Variants in EXTL1 observed in about 807,000 individuals in gnomAD.
EXTL1 encodes exostosin like glycosyltransferase 1, also known as exostosin-like 1.
Under a neutral mutation model 64.6 loss-of-function variants are expected in EXTL1, and 43 were observed. The ratio of observed to expected loss-of-function variants is 0.67; its 90% CI spans 0.52 to 0.86. EXTL1 has a LOEUF of 0.86. EXTL1 is among the 40% of genes least tolerant of loss of function. The pLI, the probability that EXTL1 is intolerant of heterozygous loss-of-function variation, is 0.00. For synonymous variants in EXTL1, 352 were observed against 360.5 expected, an observed-to-expected ratio of 0.98 and a Z score of 0.27; for missense variants, 766 against 879.0, an observed-to-expected ratio of 0.87 and a Z score of 1.62.
Position 26,022,740 on chromosome 1 carries a change from C to T in EXTL1, c.94C>T (p.Leu32=). The T allele has an allele frequency of 1.9e-6, 3 of 1,614,092 alleles. No homozygotes were observed. The highest frequency in any genetic ancestry group is 2.5e-6 in the Non-Finnish European group (3 of 1,179,972). Residue 32 remains leucine, a synonymous_variant, in exon 1 of 11, where the codon CTG becomes TTG. Transcript: ENST00000374280. ...VLLGGFSLLR[L]ALPPRPRPGA... Reference sequence around the variant, plus strand: ...GCTGGGAGGCTTCTCCCTTCTCCGCCTGGCATTGCCTCCCAGACCTCGGCC... The same window carrying T: ...GCTGGGAGGCTTCTCCCTTCTCCGCTTGGCATTGCCTCCCAGACCTCGGCC...
intron 1 of EXTL1, among the ~76,000 whole-genome samples, chr1:26,027,694 A>AAAAAAAAAAAAAAAAAAAG (rs1557551579): frequency 2.8e-4 from 39 of 139,648 alleles, no homozygotes; most frequent in African/African-American, 1.0e-3. Context: ...ATCTCTAAAA[A>AAAAAAAAAAAAAAAAAAAG]AAAAAAAAAA....
chr1:26,033,903 A>C lies in EXTL1; in HGVS notation c.1679+47A>C. The C allele has an allele frequency of 6.4e-7, 1 of 1,554,098 alleles. No homozygotes were observed. Among genetic ancestry groups the C allele is most frequent in the Non-Finnish European group, 8.7e-7 (1 of 1,144,644 alleles). ...AGGGATCAGAGTATCAGAGGACCAGAGACCCCACCCCCACCCCGAACGGAG... is the reference window on the plus strand; with the variant it reads ...AGGGATCAGAGTATCAGAGGACCAGCGACCCCACCCCCACCCCGAACGGAG... On this transcript the variant is annotated intron_variant, in intron 9 of 10. Transcript: ENST00000374280. The surrounding 1 kb of genome is among the most constrained non-coding windows in gnomAD (Gnocchi z 5.1).
rs1176772384 is a variant in EXTL1 at position 26,033,589 on chromosome 1, T to C, written c.1519-107T>C. On this transcript the variant is annotated intron_variant, in intron 8 of 10. Transcript: ENST00000374280. This position sits in a 1 kb window ranked among gnomAD's most constrained non-coding sequence, Gnocchi z 5.1. ...GTCTTGGCTCCCGCGCCCTCTCCCC[T>C]GAGTCCTGCCCGGGCCCCTCAGCCA... 5.0e-6 allele frequency: 6 copies of C among 1,210,912 alleles called. No individual in the cohort carries two copies. The highest frequency in any genetic ancestry group is 7.1e-6 in the Non-Finnish European group (6 of 841,928). 75.0% of individuals were successfully genotyped at this position (1,210,912 alleles called of 1,614,324 possible). A position where few individuals can be genotyped will look rare whatever the true frequency, so the allele number is the denominator to read the frequency against.
chr1:26,023,312 CG>C lies in EXTL1; in HGVS notation c.670del (p.Val224Ter). ...GQLRQHSPQP[G>X]VALLALEEER... ...AGCTGCGGCAACACAGCCCCCAGCC[CG>C]GGGTAGCCCTGCTAGCCCTGGAAGA... On this transcript the variant is annotated frameshift_variant, in exon 1 of 11. Transcript: ENST00000374280. LOFTEE classifies it high-confidence loss of function. 1 of 1,551,662 alleles carries C rather than the reference CG, an allele frequency of 6.4e-7. No individual in the cohort carries two copies. The highest frequency in any genetic ancestry group is 8.7e-7 in the Non-Finnish European group (1 of 1,146,542).
intron 2 of EXTL1, 38 bp downstream of exon 2, chr1:26,029,324 C>A (rs1404224984): frequency 1.3e-6 from 2 of 1,534,948 alleles, no homozygotes; most frequent in African/African-American, 1.4e-5. Flanking sequence ...TCCTCTGTCC[C>A]CCAGCACTCA....
chr1:26,029,518 G>A (rs1245710909), intron 2 of EXTL1, 82 bp from the exon 3 acceptor site: 8 of 833,692 alleles, frequency 9.6e-6, no homozygotes, highest in Middle Eastern at 3.1e-4. Flanking sequence ...CCCAACAGCA[G>A]CAGCTACTGA....
In EXTL1 at chr1:26,033,755, G is replaced by A. The variant is rs375085844; in HGVS notation, c.1578G>A (p.Thr526=). ...CAGAGCGGATGGTGGGCTTCCTGACGTCGAGCCATTTCTGGGACGAGGCCC... is the reference window on the plus strand; with the variant it reads ...CAGAGCGGATGGTGGGCTTCCTGACATCGAGCCATTTCTGGGACGAGGCCC... ...SFPERMVGFL[T]SSHFWDEAHG... The change falls in exon 9 of 11, where the codon ACG becomes ACA. Residue 526 remains threonine, a synonymous_variant. Transcript: ENST00000374280. The surrounding 1 kb of genome is among the most constrained non-coding windows in gnomAD (Gnocchi z 5.1). The A allele has an allele frequency of 1.7e-5, 27 of 1,614,020 alleles. 1 individual carries two copies. The highest frequency in any genetic ancestry group is 5.5e-5 in the South Asian group (5 of 91,086).
rs771424313 is a variant in EXTL1 at position 26,022,747 on chromosome 1, T to A, written c.101T>A (p.Leu34Ter). Residue 34 changes from leucine to a stop codon, truncating the protein, a stop_gained, in exon 1 of 11, where the codon TTG (leucine) becomes TAG (stop). Transcript: ENST00000374280. LOFTEE classifies it high-confidence loss of function. ...GGCTTCTCCCTTCTCCGCCTGGCAT[T>A]GCCTCCCAGACCTCGGCCCGGGGCT... is the stretch of plus-strand genomic sequence containing the variant. ...LGGFSLLRLALPPRPRPGASQ... is the reference protein window; with the variant it reads ...LGGFSLLRLA The A allele has an allele frequency of 1.9e-6, 3 of 1,614,060 alleles. No homozygotes were observed. Among genetic ancestry groups the A allele is most frequent in the Admixed American group, 1.7e-5 (1 of 60,024 alleles).
intron 4 of EXTL1, 93 bp downstream of exon 4, chr1:26,030,688 C>T: frequency 1.6e-6 from 1 of 638,204 alleles, no homozygotes; most frequent in South Asian, 3.8e-5. Flanking sequence ...GTTTGGGGAA[C>T]CCCCCCCCCT....
At position 26,029,662 on chromosome 1, in the gene EXTL1, C is replaced by G. The variant is rs2050259866; in HGVS notation, c.936C>G (p.Asp312Glu). 6.2e-7 allele frequency: 1 copy of G among 1,612,636 alleles called. No homozygotes were observed. The highest frequency in any genetic ancestry group is 1.7e-5 in the Admixed American group (1 of 59,966). Reference sequence around the variant, plus strand: ...AGCTGCCCTTCTCCGAGGTCATCGACTGGACCAAGGCAGCCATCGTAGCTG... The same window carrying G: ...AGCTGCCCTTCTCCGAGGTCATCGAGTGGACCAAGGCAGCCATCGTAGCTG... ...RWELPFSEVI[D>E]WTKAAIVADE... Residue 312 changes from aspartate to glutamate, a missense_variant, in exon 3 of 11, where the codon GAC becomes GAG. By Grantham distance (45) the Asp-to-Glu change is conservative (BLOSUM62 2). Coordinates refer to ENST00000374280, the MANE Select transcript of EXTL1 (RefSeq NM_004455.3).
At position 26,035,189 on chromosome 1, in the gene EXTL1, C is replaced by T. The variant is rs1040673180; in HGVS notation, c.1873C>T (p.Pro625Ser). Residue 625 changes from proline (P) to serine (S), a missense_variant, in exon 11 of 11, where the codon CCA becomes TCA. Coordinates refer to ENST00000374280, the MANE Select transcript of EXTL1 (RefSeq NM_004455.3). This position sits in a 1 kb window ranked among gnomAD's most constrained non-coding sequence, Gnocchi z 5.3. The stretch of plus-strand genomic sequence containing the variant: ...GGCGCCTGGGGGCCCGGGGCCCAGG[C>T]CAAAGCCGCCTGCCCCAGCCCCCGA... Reference protein sequence around the residue: ...PLAPGGPGPRPKPPAPAPDCI... With the variant: ...PLAPGGPGPRSKPPAPAPDCI... 2 of 1,610,108 alleles carry T rather than the reference C, an allele frequency of 1.2e-6. No homozygotes were observed. Among genetic ancestry groups the T allele is most frequent in the Non-Finnish European group, 8.5e-7 (1 of 1,177,778 alleles).
chr1:26,030,306 A>C (rs2124408999), intron 3 of EXTL1, among the ~76,000 whole-genome samples, 170 bp from the exon 4 acceptor site: 1 of 148,376 alleles, frequency 6.7e-6, no homozygotes, highest in East Asian at 2.0e-4. Context: ...TTCAGACCCA[A>C]CTCTGTGTGA....
In EXTL1 at chr1:26,033,885, A is replaced by C. The variant is rs146056142; in HGVS notation, c.1679+29A>C. 1.4e-3 allele frequency: 2,245 copies of C among 1,584,194 alleles called. 22 individuals carry two copies. In the African/African-American group the frequency reaches 0.016, roughly 11 times the overall value. Reference sequence around the variant, plus strand: ...CAGACCCCTACCCTGCACAGGGATCAGAGTATCAGAGGACCAGAGACCCCA... The same window carrying C: ...CAGACCCCTACCCTGCACAGGGATCCGAGTATCAGAGGACCAGAGACCCCA... On this transcript the variant is annotated intron_variant, in intron 9 of 10. Coordinates refer to ENST00000374280, the MANE Select transcript of EXTL1 (RefSeq NM_004455.3). The surrounding 1 kb of genome is among the most constrained non-coding windows in gnomAD (Gnocchi z 5.1).
Position 26,035,035 on chromosome 1 carries a change from G to T in EXTL1, c.1848+31G>T, listed in dbSNP as rs760947851. On this transcript the variant is annotated intron_variant, in intron 10 of 10. Transcript: ENST00000374280. The surrounding 1 kb of genome is among the most constrained non-coding windows in gnomAD (Gnocchi z 5.3). The stretch of plus-strand genomic sequence containing the variant: ...GGCTGAGGGGGATTGGTCGGAACTG[G>T]CAGGGATTGGGCGGGGATGCCGGAG... 6.2e-7 allele frequency: 1 copy of T among 1,611,254 alleles called. No homozygotes were observed. The highest frequency in any genetic ancestry group is 8.5e-7 in the Non-Finnish European group (1 of 1,177,858).
Position 26,035,308 on chromosome 1 carries a change from C to G in EXTL1, c.1992C>G (p.Ser664=), listed in dbSNP as rs2124415191. ...CGGTGCTGTTTAAGGACCCGGTGTCCGTGCAGCGCAAGAAGTACCGCAGCC... is the reference window on the plus strand; with the variant it reads ...CGGTGCTGTTTAAGGACCCGGTGTCGGTGCAGCGCAAGAAGTACCGCAGCC... ...LDPVLFKDPV[S]VQRKKYRSLE... Residue 664 remains serine (S), a synonymous_variant, in exon 11 of 11, where the codon TCC becomes TCG. Transcript: ENST00000374280. This position sits in a 1 kb window ranked among gnomAD's most constrained non-coding sequence, Gnocchi z 5.3. 2 of 1,612,846 alleles carry G rather than the reference C, an allele frequency of 1.2e-6. No individual in the cohort carries two copies. Among genetic ancestry groups the G allele is most frequent in the Non-Finnish European group, 1.7e-6 (2 of 1,179,536 alleles).
rs932865593 is a variant in EXTL1 at position 26,022,412 on chromosome 1, G to C, written c.-235G>C. The C allele has an allele frequency of 4.0e-6, 2 of 494,366 alleles. No individual in the cohort carries two copies. Among genetic ancestry groups the C allele is most frequent in the Non-Finnish European group, 7.2e-6 (2 of 279,246 alleles). The allele number at this position is 494,366 out of a possible 1,614,324, so 30.6% of individuals were successfully genotyped here. The stretch of plus-strand genomic sequence containing the variant: ...CGAGAAGGCAGAGTCCTGAGAGCAG[G>C]GGGGCCAGGCCAGCAAGCTGGGTCC... On this transcript the variant is annotated 5_prime_UTR_variant, in exon 1 of 11. Coordinates refer to ENST00000374280, the MANE Select transcript of EXTL1 (RefSeq NM_004455.3).
rs372466638 is a variant in EXTL1 at position 26,029,626 on chromosome 1, C to A, written c.900C>A (p.Ser300Arg). ...CCGGCTGCATCCCAGTGCTTCTCAG[C>A]CCCCGCTGGGAGCTGCCCTTCTCCG... ...LQAGCIPVLL[S>R]PRWELPFSEV... Residue 300 changes from serine (S) to arginine (R), a missense_variant, in exon 3 of 11, where the codon AGC (serine) becomes AGA (arginine). By Grantham distance (110) the Ser-to-Arg change is moderately radical (BLOSUM62 -1). Around this residue, in one of 3 missense-constraint regions of EXTL1, gnomAD observed 571 missense variants for 647.6 expected, o/e 0.88. Transcript: ENST00000374280. 37 of 1,610,154 alleles carry A rather than the reference C, an allele frequency of 2.3e-5. No homozygotes were observed. The highest frequency in any genetic ancestry group is 2.7e-5 in the Non-Finnish European group (32 of 1,179,030).
At chr1:26,027,788 G>A (rs3008209) in intron 1 of EXTL1, among the ~76,000 whole-genome samples, 32,388 of 151,622 alleles carry the variant, frequency 0.21, 3,632 homozygotes, top group African/African-American at 0.27. Context: ...TGAGGCTGCA[G>A]TGAGCTGTGA....
rs2050208754 is a variant in EXTL1 at position 26,025,802 on chromosome 1, ACT to A, written c.779+2380_779+2381del. 6.6e-6 allele frequency among the ~76,000 whole-genome samples: 1 copy of A among 151,292 alleles called. No homozygotes were observed. ...GTTTCTTACGTGTCTTTTCTGAGAAACTCTGCGTGTGTACAAGCAATATGTAT... is the reference window on the plus strand; with the variant it reads ...GTTTCTTACGTGTCTTTTCTGAGAAACTGCGTGTGTACAAGCAATATGTAT... On this transcript the variant is annotated intron_variant, in intron 1 of 10. Coordinates refer to ENST00000374280, the MANE Select transcript of EXTL1 (RefSeq NM_004455.3). This position sits in a 1 kb window ranked among gnomAD's most constrained non-coding sequence, Gnocchi z 5.3.
Sources: gnomAD v4.1 joint callset for allele counts (sites outside exome capture counted in the v4.1 genomes callset) on GRCh38, gnomAD v4.1.1 for gene constraint, gnomAD v4.1.1 regional missense constraint, Gnocchi (gnomAD v3.1) non-coding constraint, MANE v1.5 for transcripts, NCBI Gene and HGNC (gene_info 2026-07-23, HGNC 2026-07-21) for gene names.